Variants in CRCP observed in about 807,000 individuals in gnomAD.
CRCP encodes the protein CGRP receptor component.
A neutral mutation model predicts 18.5 loss-of-function variants in CRCP; 18 were observed. The observed-to-expected ratio is 0.97, with a 90% CI of 0.67 to 1.44. The LOEUF (loss-of-function observed/expected upper bound fraction) is 1.44, where lower values mean the gene tolerates loss of function less well. Among genes scored for constraint, CRCP ranks in the 40% most tolerant of loss-of-function variants. The pLI is 0.00. For synonymous variants in CRCP, 53 were observed against 62.9 expected (o/e 0.84, Z 0.75); for missense variants, 130 against 176.4 (o/e 0.74, Z 1.49).
chr7:66,143,609 A>G (rs1458981730), intron 4 of CRCP, among the ~76,000 whole-genome samples: 1 of 152,194 alleles, frequency 6.6e-6, no homozygotes, highest in Non-Finnish European at 1.5e-5. Flanking sequence ...TACAAGCAGT[A>G]GAAATTGACT....
intron 4 of CRCP, among the ~76,000 whole-genome samples, chr7:66,140,244 A>C (rs1243008933): frequency 6.6e-6 from 1 of 152,200 alleles, no homozygotes; most frequent in East Asian, 1.9e-4. Flanking sequence ...CCCTGAGAGA[A>C]AAGGGGAAAA....
intron 1 of CRCP, among the ~76,000 whole-genome samples, chr7:66,117,723 C>G (rs1325718727): frequency 6.6e-6 from 1 of 152,136 alleles, no homozygotes; most frequent in African/African-American, 2.4e-5. Flanking sequence ...TGGGTAAAAC[C>G]CTTCATTGAC....
intron 5 of CRCP, among the ~76,000 whole-genome samples, chr7:66,148,346 G>A (rs1336682682): frequency 2.0e-5 from 3 of 152,144 alleles, no homozygotes; most frequent in Non-Finnish European, 4.4e-5. Context: ...CAGCCTGGGC[G>A]ACAAGAGCGA....
chr7:66,122,971 T>G (rs1462863526), intron 1 of CRCP, among the ~76,000 whole-genome samples: 1 of 114,716 alleles, frequency 8.7e-6, no homozygotes, highest in Non-Finnish European at 1.8e-5. Context: ...TTTTTTTTTT[T>G]TGAGATGGAG....
chr7:66,146,220 G>A (rs551423411), intron 5 of CRCP, among the ~76,000 whole-genome samples: 272 of 152,176 alleles, frequency 1.8e-3, no homozygotes, highest in Admixed American at 4.3e-3. Flanking sequence ...CGTTTATTTA[G>A]TACAGCCTCA....
chr7:66,141,736 T>C (rs1369694486), intron 4 of CRCP, among the ~76,000 whole-genome samples: 1 of 152,184 alleles, frequency 6.6e-6, no homozygotes, highest in African/African-American at 2.4e-5. Context: ...CACCAGGCCC[T>C]TGAAGCAAGA....
intron 1 of CRCP, among the ~76,000 whole-genome samples, chr7:66,125,086 A>G (rs150686045): frequency 2.0e-5 from 3 of 149,338 alleles, no homozygotes; most frequent in Non-Finnish European, 4.5e-5. Flanking sequence ...TGTTTTGAAG[A>G]CTGTTCCTCA....
At chr7:66,136,070 A>G (rs528231064) in intron 4 of CRCP, among the ~76,000 whole-genome samples, 8 of 152,318 alleles carry the variant, frequency 5.3e-5, no homozygotes, top group African/African-American at 1.4e-4. Flanking sequence ...GTCTTTTGAC[A>G]TTTGTGTTTG....
chr7:66,130,199 G>A (rs752601906), intron 2 of CRCP: 5 of 225,684 alleles, frequency 2.2e-5, no homozygotes, highest in South Asian at 4.1e-5. Context: ...TCTGCCTCCC[G>A]GATTCAAGTG....
intron 2 of CRCP, chr7:66,130,324 T>C (rs747880764): frequency 4.6e-5 from 9 of 197,188 alleles, no homozygotes; most frequent in Non-Finnish European, 8.4e-5. Flanking sequence ...CAGGATGGTC[T>C]TGATCTCCTG....
intron 5 of CRCP, among the ~76,000 whole-genome samples, chr7:66,150,076 G>T (rs1360556494): frequency 6.6e-6 from 1 of 151,560 alleles, no homozygotes; most frequent in African/African-American, 2.4e-5. Context: ...AAAGTGCTGG[G>T]ATTACAGGCG....
intron 4 of CRCP, among the ~76,000 whole-genome samples, chr7:66,136,481 C>T (rs993638022): frequency 1.3e-5 from 2 of 152,024 alleles, no homozygotes; most frequent in Admixed American, 1.3e-4. Flanking sequence ...CCATCCACCT[C>T]GACCTCTCAA....
At chr7:66,115,693 G>T (rs1306411151) in intron 1 of CRCP, among the ~76,000 whole-genome samples, 1 of 152,068 alleles carries the variant, frequency 6.6e-6, no homozygotes, top group Non-Finnish European at 1.5e-5. Context: ...TAATTTGTAG[G>T]TATTACTATC....
In CRCP at chr7:66,143,898, T is replaced by C. The variant is rs530702387; in HGVS notation, c.240-1545T>C. ...CATCCCTGTTAATCCTCTCATAAGA[T>C]AGTTAAGTACTGTTATCATTCCTAT... On this transcript the variant is annotated intron_variant, in intron 4 of 5. Coordinates refer to ENST00000395326, the MANE Select transcript of CRCP (RefSeq NM_014478.5). Among the ~76,000 whole-genome samples, 5 of 152,226 alleles carry C rather than the reference T, an allele frequency of 3.3e-5. 1 individual carries two copies. The South Asian group carries it at 1.0e-3, about 31-fold the overall frequency.
At chr7:66,130,595 T>C in intron 2 of CRCP, 149 bp from the exon 3 acceptor site, 1 of 514,812 alleles carries the variant, frequency 1.9e-6, no homozygotes, top group Admixed American at 3.5e-5. Context: ...CTGGGACTCA[T>C]ATTTGCTCAA....
chr7:66,144,266 C>A (rs775549257), intron 4 of CRCP, among the ~76,000 whole-genome samples: 2 of 152,170 alleles, frequency 1.3e-5, no homozygotes, highest in Non-Finnish European at 2.9e-5. Flanking sequence ...TCACTCAGAT[C>A]TTTTGTTGTG....
At chr7:66,127,192 C>T (rs1210952829) in intron 1 of CRCP, among the ~76,000 whole-genome samples, 2 of 152,172 alleles carry the variant, frequency 1.3e-5, no homozygotes, top group South Asian at 2.1e-4. Context: ...TATGTCACAT[C>T]GTTGTGTTTC....
chr7:66,136,932 A>T (rs1236770275), intron 4 of CRCP, among the ~76,000 whole-genome samples: 1 of 151,662 alleles, frequency 6.6e-6, no homozygotes, highest in Non-Finnish European at 1.5e-5. Flanking sequence ...ACAAAAAATT[A>T]GCCGGGTGTG....
At chr7:66,116,853 G>T (rs557756545) in intron 1 of CRCP, among the ~76,000 whole-genome samples, 2 of 152,276 alleles carry the variant, frequency 1.3e-5, no homozygotes, top group African/African-American at 4.8e-5. Flanking sequence ...GGGCGTGGTG[G>T]CTCATGCCTA....
Sources: gnomAD v4.1 joint callset for allele counts (sites outside exome capture counted in the v4.1 genomes callset) on GRCh38, gnomAD v4.1.1 for gene constraint, MANE v1.5 for transcripts, NCBI Gene and HGNC (gene_info 2026-07-23, HGNC 2026-07-21) for gene names.